The following UIMC1 variants were observed in gnomAD, a reference collection of about 807,000 sequenced individuals.
The protein encoded by UIMC1 is ubiquitin interaction motif containing 1, also known as BRCA1-A complex subunit RAP80.
In UIMC1, 42 loss-of-function variants were observed where a neutral mutation model predicts 84.9. That is an observed-to-expected ratio of 0.49 (90% CI 0.39 to 0.64). The LOEUF (loss-of-function observed/expected upper bound fraction) is 0.64, where lower values mean the gene tolerates loss of function less well. Ranked by LOEUF, UIMC1 falls within the 30% of genes least tolerant of loss-of-function variation. The probability of loss-of-function intolerance (pLI) is 0.00; values close to 1 mark genes in which losing one functional copy is unlikely to be tolerated. For missense variants in UIMC1, 825 were observed against 847.6 expected, an observed-to-expected ratio of 0.97 and a Z score of 0.33; for synonymous variants, 281 against 293.0, an observed-to-expected ratio of 0.96 and a Z score of 0.42.
chr5:176,977,763 G>A (rs1413864727), intron 2 of UIMC1, among the ~76,000 whole-genome samples: 4 of 151,304 alleles, frequency 2.6e-5, no homozygotes, highest in African/African-American at 9.7e-5. Flanking sequence ...TACAAAAATT[G>A]CGCAGGTGTG....
At chr5:176,926,637 AAACAACAAC>A (rs57287380) in intron 10 of UIMC1, among the ~76,000 whole-genome samples, 18 of 151,420 alleles carry the variant, frequency 1.2e-4, no homozygotes, top group African/African-American at 4.1e-4. Context: ...ACCCTGTCTC[AAACAACAAC>A]AACAACAACA....
At chr5:177,019,814 C>T (rs1281560322) in intron 1 of UIMC1, among the ~76,000 whole-genome samples, 1 of 151,976 alleles carries the variant, frequency 6.6e-6, no homozygotes, top group Non-Finnish European at 1.5e-5. Context: ...TGTCTGTAAT[C>T]CCAGCTACTC....
chr5:176,932,051 T>G (rs970840004), intron 10 of UIMC1, among the ~76,000 whole-genome samples: 1 of 152,094 alleles, frequency 6.6e-6, no homozygotes, highest in Non-Finnish European at 1.5e-5. Context: ...ACATTATTAA[T>G]CCCAGAGGAG....
chr5:176,998,024 G>A (rs1392010538), intron 1 of UIMC1, among the ~76,000 whole-genome samples: 1 of 152,052 alleles, frequency 6.6e-6, no homozygotes, highest in Non-Finnish European at 1.5e-5. Context: ...AAAGTACCAT[G>A]CACCTGTCAA....
rs535032482 is a variant in UIMC1, at chr5:176,937,345, A to C, written c.1597+5990T>G. ...CCCATCTCTGCTAAAAATACAAAAA[A>C]TTAGCCGAGCGTGGTAGCAGGCGCC... On this transcript the variant is annotated intron_variant, in intron 10 of 14. Transcript: ENST00000511320. Among the ~76,000 whole-genome samples the C allele has an allele frequency of 6.6e-5, 10 of 152,216 alleles. No homozygotes were observed. The East Asian group carries it at 1.9e-3, about 29-fold the overall frequency.
chr5:176,970,911 T>C (rs1484193998), intron 3 of UIMC1, 45 bp from the exon 4 acceptor site: 2 of 1,597,740 alleles, frequency 1.3e-6, no homozygotes, highest in Non-Finnish European at 1.7e-6. Flanking sequence ...CCACAAACAC[T>C]GAATAATCAT....
intron 11 of UIMC1, 137 bp from the exon 12 acceptor site, chr5:176,908,831 A>C: frequency 1.2e-6 from 1 of 828,542 alleles, no homozygotes; most frequent in Non-Finnish European, 1.8e-6. Flanking sequence ...ATGCAGATTC[A>C]CTCAGCAGGA....
intron 10 of UIMC1, among the ~76,000 whole-genome samples, chr5:176,923,238 G>A (rs1761924835): frequency 6.6e-6 from 1 of 152,208 alleles, no homozygotes; most frequent in Non-Finnish European, 1.5e-5. Context: ...ATAAAAGCAT[G>A]ACCCAATGGT....
intron 12 of UIMC1, 90 bp downstream of exon 12, chr5:176,908,433 G>A (rs1759688376): frequency 2.8e-5 from 36 of 1,298,052 alleles, no homozygotes; most frequent in Non-Finnish European, 3.6e-5. Context: ...AGGGGAGGGA[G>A]AAGAGGGAAA....
chr5:176,986,771 C>A (rs1323379099), intron 1 of UIMC1, among the ~76,000 whole-genome samples: 2 of 152,020 alleles, frequency 1.3e-5, no homozygotes, highest in African/African-American at 2.4e-5. Context: ...TCAAAAAAAA[C>A]AATGTCTGCT....
At chr5:176,983,778 AG>A (rs1200473527) in intron 1 of UIMC1, among the ~76,000 whole-genome samples, 2 of 144,002 alleles carry the variant, frequency 1.4e-5, no homozygotes, top group Admixed American at 6.9e-5. Flanking sequence ...CACCCCGTCT[AG>A]GAAGTGAGGA....
At chr5:177,021,975 GAGATGGGA>G (rs561661918) in intron 1 of UIMC1, among the ~76,000 whole-genome samples, 86 of 152,284 alleles carry the variant, frequency 5.6e-4, no homozygotes, top group African/African-American at 2.0e-3. Flanking sequence ...TACTAAGAGT[GAGATGGGA>G]AGCTGTTGGA....
intron 10 of UIMC1, among the ~76,000 whole-genome samples, chr5:176,920,937 C>T (rs890576740): frequency 2.0e-5 from 3 of 152,158 alleles, no homozygotes. Flanking sequence ...CTCTATCAGG[C>T]TGAGGAAGTT....
chr5:176,914,069 T>TACCACACCACACCACACCAC (rs1271468882), intron 10 of UIMC1, among the ~76,000 whole-genome samples: 7,904 of 144,162 alleles, frequency 0.055, 442 homozygotes, highest in African/African-American at 0.16. Context: ...TACCATACCA[T>TACCACACCACACCACACCAC]ACCACACCAC....
chr5:177,010,535 A>C (rs1434189712), upstream of UIMC1, among the ~76,000 whole-genome samples: 1 of 152,138 alleles, frequency 6.6e-6, no homozygotes, highest in African/African-American at 2.4e-5. Context: ...ATAAACACAT[A>C]ATAGAGGATA....
chr5:176,992,518 T>G (rs1773029254), intron 1 of UIMC1, among the ~76,000 whole-genome samples: 1 of 151,096 alleles, frequency 6.6e-6, no homozygotes, highest in Non-Finnish European at 1.5e-5. Flanking sequence ...ATAAAGAAAT[T>G]TTTTAAATTG....
At position 176,991,227 on chromosome 5, in the gene UIMC1, T is replaced by G. The variant is rs1161751603; in HGVS notation, c.-8-8604A>C. On this transcript the variant is annotated intron_variant, in intron 1 of 14. Coordinates refer to ENST00000511320, the MANE Select transcript of UIMC1 (RefSeq NM_001199298.2). ...GGTTTCATCGTGTTAGCCAAGATGG[T>G]CTCGATCTCCTGACCTCGTGATCCA... 4.6e-5 allele frequency among the ~76,000 whole-genome samples: 7 copies of G among 151,958 alleles called. No homozygotes were observed. In the East Asian group the frequency reaches 1.4e-3, roughly 30 times the overall value.
rs761024027 is a variant in UIMC1 at position 176,905,337 on chromosome 5, T to C, written c.2105A>G (p.Gln702Arg). The change falls in exon 15 of 15, where the codon CAG (glutamine) becomes CGG (arginine). Residue 702 changes from glutamine (Q) to arginine (R), a missense_variant. By Grantham distance (43) the Gln-to-Arg change is conservative (BLOSUM62 1). Transcript: ENST00000511320. ...TTTGGTCCGTGTCCGACTACCTGGC[T>C]GGACAGTAACTTGCTTTTTAAAGTC... is the stretch of plus-strand genomic sequence containing the variant. Reference protein sequence around the residue: ...LVDFKKQVTVQPGSRTRTKAG... With the variant: ...LVDFKKQVTVRPGSRTRTKAG... The C allele has an allele frequency of 1.9e-6, 3 of 1,614,044 alleles. No individual in the cohort carries two copies. The highest frequency in any genetic ancestry group is 2.7e-5 in the African/African-American group (2 of 74,912).
chr5:176,981,532 G>A (rs889690980), intron 2 of UIMC1, among the ~76,000 whole-genome samples: 2 of 152,090 alleles, frequency 1.3e-5, no homozygotes, highest in African/African-American at 4.8e-5. Context: ...CAGATGCAGT[G>A]GTTCACATCT....
Sources: gnomAD v4.1 joint callset for allele counts (sites outside exome capture counted in the v4.1 genomes callset) on GRCh38, gnomAD v4.1.1 for gene constraint, MANE v1.5 for transcripts, NCBI Gene and HGNC (gene_info 2026-07-23, HGNC 2026-07-21) for gene names.